The following LAMA3 variants were observed in gnomAD, a reference collection of about 807,000 sequenced individuals.
The protein encoded by LAMA3 is laminin subunit alpha 3.
Under a neutral mutation model 402.0 loss-of-function variants are expected in LAMA3, and 281 were observed. The observed-to-expected ratio is 0.70, with a 90% CI of 0.63 to 0.77. The LOEUF is 0.77. LAMA3 is among the 30% of genes least tolerant of loss of function. LAMA3 has a pLI of 0.00. For synonymous variants in LAMA3, 1,431 were observed against 1,558.4 expected (o/e 0.92, Z 1.93); for missense variants, 3,840 against 4,215.5 (o/e 0.91, Z 2.47).
chr18:23,838,939 G>A, intron 26 of LAMA3, 61 bp downstream of exon 26: 3 of 1,006,662 alleles, frequency 3.0e-6, no homozygotes, highest in Non-Finnish European at 4.8e-6. Context: ...ATGAGTGTAA[G>A]GCTGAAACTT....
intron 31 of LAMA3, among the ~76,000 whole-genome samples, chr18:23,846,713 T>G (rs2063824429): frequency 6.6e-6 from 1 of 152,236 alleles, no homozygotes; most frequent in Non-Finnish European, 1.5e-5. Context: ...TGCTGGTCCA[T>G]GGACCGCACT....
chr18:23,863,070 T>C (rs1321992777), intron 35 of LAMA3, among the ~76,000 whole-genome samples: 5 of 152,088 alleles, frequency 3.3e-5, no homozygotes, highest in African/African-American at 1.2e-4. Flanking sequence ...TGCAGTGTTT[T>C]TGTAACCTAA....
chr18:23,805,694 G>T (rs1200937517), intron 12 of LAMA3, among the ~76,000 whole-genome samples: 2 of 152,158 alleles, frequency 1.3e-5, no homozygotes, highest in Non-Finnish European at 2.9e-5. Flanking sequence ...GACATTTTGG[G>T]TCTTCTAGAA....
chr18:23,895,109 A>G, intron 44 of LAMA3, 51 bp downstream of exon 44: 1 of 1,541,886 alleles, frequency 6.5e-7, no homozygotes, highest in Non-Finnish European at 8.8e-7. Context: ...ATGCTGCGGG[A>G]GTGGATTCTC....
At chr18:23,759,354 A>C (rs929699713) in intron 7 of LAMA3, among the ~76,000 whole-genome samples, 3 of 151,986 alleles carry the variant, frequency 2.0e-5, no homozygotes, top group African/African-American at 7.2e-5. Context: ...AAAAAGAAGA[A>C]AGACAACTGC....
chr18:23,916,755 A>T, intron 60 of LAMA3, 60 bp downstream of exon 60: 1 of 1,552,168 alleles, frequency 6.4e-7, no homozygotes, highest in Non-Finnish European at 8.9e-7. Context: ...AGCAATTTGG[A>T]GATAACTGGG....
chr18:23,867,015 A>G (rs899849796), intron 36 of LAMA3, among the ~76,000 whole-genome samples: 6 of 152,222 alleles, frequency 3.9e-5, no homozygotes, highest in African/African-American at 1.4e-4. Context: ...TAAGATGCAC[A>G]TGTGAGCCAC....
intron 34 of LAMA3, 110 bp downstream of exon 34, chr18:23,858,939 T>C: frequency 8.6e-7 from 1 of 1,164,212 alleles, no homozygotes; most frequent in Non-Finnish European, 1.3e-6. Context: ...TCTTGTTTCC[T>C]GAATTCGTCA....
At chr18:23,887,182 A>G (rs1266365737) in intron 41 of LAMA3, among the ~76,000 whole-genome samples, 1 of 152,234 alleles carries the variant, frequency 6.6e-6, no homozygotes, top group Non-Finnish European at 1.5e-5. Context: ...CAGTGTCCTC[A>G]AGGGCTTTCC....
intron 56 of LAMA3, among the ~76,000 whole-genome samples, chr18:23,913,858 C>G (rs562050352): frequency 6.6e-6 from 1 of 152,256 alleles, no homozygotes; most frequent in East Asian, 1.9e-4. Flanking sequence ...AAAATTTATT[C>G]TCGAATGTAC....
intron 10 of LAMA3, among the ~76,000 whole-genome samples, chr18:23,776,366 G>C (rs2062319305): frequency 6.6e-6 from 1 of 152,220 alleles, no homozygotes; most frequent in African/African-American, 2.4e-5. Flanking sequence ...CCACCCCACG[G>C]CAGTGATCTA....
At chr18:23,932,481 G>A (rs150883260) in intron 66 of LAMA3, 190 bp downstream of exon 66, 10 of 578,582 alleles carry the variant, frequency 1.7e-5, no homozygotes, top group South Asian at 1.2e-4. Context: ...TCCTGGGCCC[G>A]GCCTCCTTTT....
At chr18:23,880,751 C>T (rs2064869421) in intron 39 of LAMA3, among the ~76,000 whole-genome samples, 1 of 152,122 alleles carries the variant, frequency 6.6e-6, no homozygotes, top group Admixed American at 6.6e-5. Context: ...GTGGTGGGTG[C>T]CTGTAATCCC....
At chr18:23,899,894 T>A (rs2081009102) in intron 47 of LAMA3, among the ~76,000 whole-genome samples, 1 of 152,174 alleles carries the variant, frequency 6.6e-6, no homozygotes, top group Non-Finnish European at 1.5e-5. Context: ...AGATTTTTGA[T>A]TTTTTTGGAT....
At position 23,718,198 on chromosome 18, in the gene LAMA3, G is replaced by C. The variant is rs535547508; in HGVS notation, c.447+4126G>C. Among the ~76,000 whole-genome samples, 72 of 152,214 alleles carry C rather than the reference G, an allele frequency of 4.7e-4. 1 individual carries two copies. In the South Asian group the frequency reaches 0.015, roughly 31 times the overall value. The stretch of plus-strand genomic sequence containing the variant: ...GAGATCTCTCCCGTGAGATCGGAAG[G>C]TGTAGTGGTGGGATCTACATATACA... On this transcript the variant is annotated intron_variant, in intron 2 of 74. Transcript: ENST00000313654.
rs551051923 is a variant in LAMA3, at chr18:23,936,451, C to T, written c.8862+2516C>T. ...CCCTTCCTGTGTCCAAGTGTTCAAA[C>T]TTAAGACTCTTAAGCACAAAGAACG... On this transcript the variant is annotated intron_variant, in intron 67 of 74. Coordinates refer to ENST00000313654, the MANE Select transcript of LAMA3 (RefSeq NM_198129.4). 6.2e-5 allele frequency among the ~76,000 whole-genome samples: 9 copies of T among 145,836 alleles called. No homozygotes were observed. The South Asian group carries it at 6.9e-4, about 11-fold the overall frequency.
intron 60 of LAMA3, 51 bp from the exon 61 acceptor site, chr18:23,920,884 C>T (rs1315581748): frequency 6.2e-7 from 1 of 1,610,530 alleles, no homozygotes; most frequent in African/African-American, 1.3e-5. Context: ...CAGTGCTCTG[C>T]CTCTTCTTCA....
chr18:23,819,292 G>A (rs1393722260), intron 18 of LAMA3, among the ~76,000 whole-genome samples: 3 of 151,512 alleles, frequency 2.0e-5, no homozygotes, highest in Non-Finnish European at 2.9e-5. Context: ...TTCATTAATA[G>A]GCATATAGTT....
At position 23,946,215 on chromosome 18, in the gene LAMA3, G is replaced by T. The variant is rs779224665; in HGVS notation, c.9282G>T (p.Leu3094Phe). Residue 3094 changes from leucine to phenylalanine, a missense_variant, in exon 70 of 75, where the codon TTG becomes TTT. Physicochemically the swap from Leu to Phe is conservative, Grantham distance 22 (BLOSUM62 0). This residue lies in a region of LAMA3 where 840 missense variants were observed against 981.9 expected (regional missense o/e 0.86). Transcript: ENST00000313654. ...VDGLRAREGS[L>F]PGNSTISIRA... is the part of the protein sequence containing the mutation. ...GACTGAGGGCCCGGGAGGGAAGTTT[G>T]CCTGGAAACTCCACCATCAGCATCA... The T allele has an allele frequency of 1.2e-6, 2 of 1,614,008 alleles. No homozygotes were observed. The highest frequency in any genetic ancestry group is 2.2e-5 in the South Asian group (2 of 91,070).
Sources: gnomAD v4.1 joint callset for allele counts (sites outside exome capture counted in the v4.1 genomes callset) on GRCh38, gnomAD v4.1.1 for gene constraint, gnomAD v4.1.1 regional missense constraint, MANE v1.5 for transcripts, NCBI Gene and HGNC (gene_info 2026-07-23, HGNC 2026-07-21) for gene names.